Variants in BAZ1A observed in about 807,000 individuals in gnomAD.
The protein encoded by BAZ1A is bromodomain adjacent to zinc finger domain protein 1A.
BAZ1A carries 50 observed loss-of-function variants against 185.2 expected under a neutral mutation model. The ratio of observed to expected loss-of-function variants is 0.27; its 90% CI spans 0.22 to 0.34. The LOEUF is 0.34. Ranked by LOEUF, BAZ1A falls within the 10% of genes least tolerant of loss-of-function variation. BAZ1A has a pLI of 1.00. For synonymous variants in BAZ1A, 571 were observed against 615.6 expected (o/e 0.93, Z 1.07); for missense variants, 1,356 against 1,839.9 (o/e 0.74, Z 4.81).
chr14:34,813,331 G>A (rs1054879245), intron 4 of BAZ1A, among the ~76,000 whole-genome samples: 5 of 152,148 alleles, frequency 3.3e-5, no homozygotes, highest in African/African-American at 1.2e-4. Flanking sequence ...GGAGGCTTCA[G>A]TGAGTTGTGA....
chr14:34,814,270 T>C (rs544622753), intron 4 of BAZ1A, among the ~76,000 whole-genome samples: 1 of 151,620 alleles, frequency 6.6e-6, no homozygotes, highest in African/African-American at 2.4e-5. Flanking sequence ...TAAATTTATA[T>C]TTTACTATGC....
rs768944983 is a variant in BAZ1A, at chr14:34,776,523, TAAAATA to T, written c.2237-14_2237-9del. ...CATTTTGTCCTCTTTTCCCTGTAAT[TAAAATA>T]AAATGTTTCATCATCATCATATTTC... On this transcript the variant is annotated splice_polypyrimidine_tract_variant and intron_variant, in intron 17 of 26. Coordinates refer to ENST00000360310, the MANE Select transcript of BAZ1A (RefSeq NM_013448.3). 4.6e-6 allele frequency: 7 copies of T among 1,525,004 alleles called. No individual in the cohort carries two copies. Among genetic ancestry groups the T allele is most frequent in the African/African-American group, 4.2e-5 (3 of 71,854 alleles). 94.5% of individuals were successfully genotyped at this position (1,525,004 alleles called of 1,614,324 possible).
intron 3 of BAZ1A, among the ~76,000 whole-genome samples, chr14:34,851,120 G>GC (rs1433686722): frequency 6.6e-6 from 1 of 151,894 alleles, no homozygotes; most frequent in Non-Finnish European, 1.5e-5. Flanking sequence ...ATCACTTGAG[G>GC]CCAGGAGTTC....
At chr14:34,805,935 G>A (rs1159318070) in intron 6 of BAZ1A, among the ~76,000 whole-genome samples, 1 of 150,936 alleles carries the variant, frequency 6.6e-6, no homozygotes, top group East Asian at 1.9e-4. Flanking sequence ...AGGCTGGAGT[G>A]CAGTGGCGCA....
intron 3 of BAZ1A, among the ~76,000 whole-genome samples, chr14:34,837,977 T>C (rs1485741467): frequency 6.6e-6 from 1 of 152,178 alleles, no homozygotes; most frequent in Non-Finnish European, 1.5e-5. Flanking sequence ...ATGTGAAAAA[T>C]GCATAGGAAA....
chr14:34,818,932 G>A (rs549296231), intron 4 of BAZ1A, among the ~76,000 whole-genome samples: 127 of 152,136 alleles, frequency 8.3e-4, no homozygotes, highest in African/African-American at 2.9e-3. Context: ...ACGAGGTCAG[G>A]AGATCGAGAC....
intron 3 of BAZ1A, among the ~76,000 whole-genome samples, chr14:34,827,901 T>G (rs2042186392): frequency 6.6e-6 from 1 of 152,148 alleles, no homozygotes; most frequent in Non-Finnish European, 1.5e-5. Flanking sequence ...AAGCTTCCTA[T>G]TTACTAACTC....
At chr14:34,755,981 C>T (rs1566540610) in intron 25 of BAZ1A, among the ~76,000 whole-genome samples, 2 of 148,886 alleles carry the variant, frequency 1.3e-5, no homozygotes, top group African/African-American at 2.5e-5. Context: ...CCACCACACT[C>T]GGCTATTTTT....
At chr14:34,827,433 G>T (rs140646981) in intron 3 of BAZ1A, among the ~76,000 whole-genome samples, 404 of 152,266 alleles carry the variant, frequency 2.7e-3, no homozygotes, top group Non-Finnish European at 3.7e-3. Flanking sequence ...CCTAACTAAA[G>T]TTAACTGTCT....
At chr14:34,825,182 G>A (rs2042148091) in intron 4 of BAZ1A, among the ~76,000 whole-genome samples, 2 of 152,110 alleles carry the variant, frequency 1.3e-5, no homozygotes, top group African/African-American at 4.8e-5. Flanking sequence ...GGCCAGATGT[G>A]GTGGCTCACG....
At chr14:34,797,977 G>T (rs188860587) in intron 9 of BAZ1A, among the ~76,000 whole-genome samples, 2 of 152,250 alleles carry the variant, frequency 1.3e-5, no homozygotes, top group Non-Finnish European at 2.9e-5. Context: ...CAAATACTGC[G>T]CTTTTCCAAC....
At chr14:34,781,527 CTTT>C (rs35183747) in intron 16 of BAZ1A, among the ~76,000 whole-genome samples, 22 of 141,538 alleles carry the variant, frequency 1.6e-4, no homozygotes, top group Non-Finnish European at 1.7e-4. Flanking sequence ...TCACTAGCTG[CTTT>C]TTTTTTTTTT....
At chr14:34,840,372 T>A (rs2042394014) in intron 3 of BAZ1A, among the ~76,000 whole-genome samples, 1 of 152,120 alleles carries the variant, frequency 6.6e-6, no homozygotes, top group Non-Finnish European at 1.5e-5. Flanking sequence ...GTTAGTCAAA[T>A]CAAAGTCAGG....
At chr14:34,799,155 G>C (rs1424956356) in intron 9 of BAZ1A, among the ~76,000 whole-genome samples, 4 of 145,824 alleles carry the variant, frequency 2.7e-5, no homozygotes, top group African/African-American at 1.0e-4. Context: ...AACACCGCAT[G>C]TTCTCACTCA....
At chr14:34,801,905 C>CA (rs375668563) in intron 7 of BAZ1A, among the ~76,000 whole-genome samples, 5,355 of 113,070 alleles carry the variant, frequency 0.047, 418 homozygotes, top group African/African-American at 0.16. Context: ...GACTCCATCT[C>CA]AAAAAAAAAA....
intron 5 of BAZ1A, among the ~76,000 whole-genome samples, chr14:34,810,011 AAACC>A (rs1210135355): frequency 6.6e-6 from 1 of 152,136 alleles, no homozygotes; most frequent in African/African-American, 2.4e-5. Flanking sequence ...GAGCCCCCCA[AAACC>A]AACCAACCAA....
intron 3 of BAZ1A, 63 bp from the exon 4 acceptor site, chr14:34,826,219 G>A: frequency 6.5e-7 from 1 of 1,533,738 alleles, no homozygotes; most frequent in Admixed American, 1.9e-5. Flanking sequence ...AAACATGTCA[G>A]AGCAATCGAA....
chr14:34,787,363 A>AAAAGAAAAG (rs1555339666), intron 12 of BAZ1A, among the ~76,000 whole-genome samples: 1 of 112,798 alleles, frequency 8.9e-6, no homozygotes, highest in Non-Finnish European at 1.8e-5. Context: ...AAAAAAAAAA[A>AAAAGAAAAG]AAAAAGAAAA....
In BAZ1A at chr14:34,753,555, C is replaced by T. The variant is rs779757268; in HGVS notation, c.4624G>A (p.Val1542Met). The T allele has an allele frequency of 3.5e-5, 56 of 1,613,944 alleles. No individual in the cohort carries two copies. The highest frequency in any genetic ancestry group is 4.2e-5 in the Non-Finnish European group (49 of 1,180,014). The change falls in exon 27 of 27, where the codon GTG (valine) becomes ATG (methionine). Residue 1542 changes from valine (V) to methionine (M), a missense_variant. Val to Met is a conservative substitution (Grantham distance 21). Coordinates refer to ENST00000360310, the MANE Select transcript of BAZ1A (RefSeq NM_013448.3). ...KLGLHVTPSN[V>M]DQVSTPPAAK... ...GCCGGTGGTGTGCTAACTTGGTCCA[C>T]ATTACTGGGTGTGACGTGGAGTCCA...
Sources: allele counts gnomAD v4.1 joint callset (sites outside exome capture counted in the v4.1 genomes callset), GRCh38; gene constraint gnomAD v4.1.1; transcripts MANE v1.5; gene names NCBI Gene and HGNC (gene_info 2026-07-23, HGNC 2026-07-21).